KCNT1: variants seen among roughly 807,000 people sequenced by gnomAD.
KCNT1 encodes the protein potassium sodium-activated channel subfamily T member 1, also known as potassium channel subfamily T member 1.
KCNT1 carries 78 observed loss-of-function variants against 147.8 expected under a neutral mutation model. The observed-to-expected ratio is 0.53, with a 90% CI of 0.44 to 0.64. The LOEUF (loss-of-function observed/expected upper bound fraction) is 0.64, where lower values mean the gene tolerates loss of function less well. Ranked by LOEUF, KCNT1 falls within the 30% of genes least tolerant of loss-of-function variation. The pLI is 0.00. For synonymous variants in KCNT1, 867 were observed against 748.8 expected, an observed-to-expected ratio of 1.16 and a Z score of -2.58; for missense variants, 1,419 against 1,750.3, an observed-to-expected ratio of 0.81 and a Z score of 3.38.
chr9:135,728,683 G>A (rs11103146), intron 2 of KCNT1, among the ~76,000 whole-genome samples: 20,803 of 152,250 alleles, frequency 0.14, 1,601 homozygotes, highest in South Asian at 0.17. Flanking sequence ...CCGGGCAGGG[G>A]TCCTGGGAGA....
At chr9:135,707,295 C>T (rs896785721) in intron 1 of KCNT1, among the ~76,000 whole-genome samples, 1 of 152,052 alleles carries the variant, frequency 6.6e-6, no homozygotes, top group Non-Finnish European at 1.5e-5. Flanking sequence ...GGCGGCTTCT[C>T]CTCCAGGTGC....
intron 2 of KCNT1, among the ~76,000 whole-genome samples, chr9:135,717,190 A>C (rs1008134731): frequency 3.0e-5 from 4 of 131,876 alleles, no homozygotes; most frequent in African/African-American, 1.2e-4. Flanking sequence ...TGTGTATAGG[A>C]TGGGAGGGAG....
intron 11 of KCNT1, among the ~76,000 whole-genome samples, chr9:135,763,650 G>GT (rs1218523288): frequency 3.9e-5 from 6 of 152,134 alleles, no homozygotes; most frequent in African/African-American, 1.4e-4. Flanking sequence ...CCTCTGCCCC[G>GT]TGTGCACTTG....
chr9:135,770,208 A>G, intron 16 of KCNT1, 90 bp from the exon 17 acceptor site: 1 of 1,478,852 alleles, frequency 6.8e-7, no homozygotes, highest in Non-Finnish European at 9.1e-7. Flanking sequence ...ATGCCAGGGG[A>G]AGCAGAGGGG....
chr9:135,780,274 G>A lies in KCNT1; in HGVS notation c.2841+804G>A, dbSNP rs535641214. The stretch of plus-strand genomic sequence containing the variant: ...AGCAGCAATGCTGTCTGCTCTACAC[G>A]AACCCCGAGCTCACCGGTCTGGGCT... On this transcript the variant is annotated intron_variant, in intron 24 of 30. Transcript: ENST00000371757. Among the ~76,000 whole-genome samples, 7 of 152,290 alleles carry A rather than the reference G, an allele frequency of 4.6e-5. No homozygotes were observed. In the South Asian group the frequency reaches 1.2e-3, roughly 27 times the overall value.
At chr9:135,710,207 C>T (rs531032069) in intron 1 of KCNT1, among the ~76,000 whole-genome samples, 2 of 152,190 alleles carry the variant, frequency 1.3e-5, no homozygotes, top group East Asian at 1.9e-4. Flanking sequence ...AAATAAAAGG[C>T]CTTCTCAGCT....
At chr9:135,786,642 CT>C in intron 29 of KCNT1, 121 bp downstream of exon 29, 1 of 981,084 alleles carries the variant, frequency 1.0e-6, no homozygotes, top group Non-Finnish European at 1.4e-6. Flanking sequence ...TGTCATCTGT[CT>C]GTCTGTCAGC....
chr9:135,753,869 T>C, intron 4 of KCNT1, 68 bp from the exon 5 acceptor site: 1 of 1,570,608 alleles, frequency 6.4e-7, no homozygotes, highest in Non-Finnish European at 8.8e-7. Context: ...GTGGAAGCCC[T>C]CGGGCAGCAA....
chr9:135,766,238 A>G (rs920723594), intron 13 of KCNT1, among the ~76,000 whole-genome samples: 8 of 149,088 alleles, frequency 5.4e-5, no homozygotes, highest in African/African-American at 2.0e-4. Context: ...TGGACTGTTC[A>G]GGGTGGACCA....
chr9:135,744,354 C>A (rs1313040839), intron 2 of KCNT1, among the ~76,000 whole-genome samples: 1 of 152,226 alleles, frequency 6.6e-6, no homozygotes, highest in African/African-American at 2.4e-5. Flanking sequence ...ACCATGAGAG[C>A]CCCTTTGCAG....
At chr9:135,722,555 T>C (rs1835966692) in intron 2 of KCNT1, among the ~76,000 whole-genome samples, 1 of 152,334 alleles carries the variant, frequency 6.6e-6, no homozygotes, top group Admixed American at 6.5e-5. Flanking sequence ...AGTGTGTTTA[T>C]GCCTCGTCTC....
chr9:135,707,648 GT>G (rs1314142828), intron 1 of KCNT1, among the ~76,000 whole-genome samples: 2 of 152,166 alleles, frequency 1.3e-5, no homozygotes, highest in Non-Finnish European at 2.9e-5. Flanking sequence ...GCTGCAGGGG[GT>G]GGGGACAGCA....
rs148235788 is a variant in KCNT1, at chr9:135,742,403, G to A, written c.255-7695G>A. 9.4e-3 allele frequency among the ~76,000 whole-genome samples: 1,425 copies of A among 152,302 alleles called. 15 individuals carry two copies. Among genetic ancestry groups the A allele is most frequent in the Admixed American group, 0.017 (263 of 15,302 alleles). On this transcript the variant is annotated intron_variant, in intron 2 of 30. Coordinates refer to ENST00000371757, the MANE Select transcript of KCNT1 (RefSeq NM_020822.3). ...TCGTCACCTGCTTGCGTGGCTGAAG[G>A]GTGGCCCTCTCCTCGAGTGTGGTTG...
chr9:135,781,223 A>T (rs979216887), intron 24 of KCNT1, among the ~76,000 whole-genome samples: 1 of 152,206 alleles, frequency 6.6e-6, no homozygotes, highest in Non-Finnish European at 1.5e-5. Context: ...AGAAATCAGG[A>T]CATCGGCAAA....
intron 5 of KCNT1, among the ~76,000 whole-genome samples, 184 bp from the exon 6 acceptor site, chr9:135,754,937 A>G (rs191195628): frequency 6.6e-6 from 1 of 152,192 alleles, no homozygotes; most frequent in Admixed American, 6.5e-5. Context: ...TCTCTTGGGG[A>G]ACCTTCCCTT....
intron 2 of KCNT1, among the ~76,000 whole-genome samples, chr9:135,738,679 G>A (rs566723995): frequency 3.6e-4 from 55 of 152,290 alleles, no homozygotes; most frequent in Non-Finnish European, 2.8e-4. Flanking sequence ...CACAGGAGGC[G>A]TTGTCGGGGG....
intron 1 of KCNT1, among the ~76,000 whole-genome samples, chr9:135,710,426 C>G (rs973082929): frequency 7.2e-5 from 11 of 152,216 alleles, no homozygotes; most frequent in African/African-American, 1.7e-4. Flanking sequence ...CTGAAGTTCT[C>G]CGGCCTCCAT....
intron 24 of KCNT1, among the ~76,000 whole-genome samples, chr9:135,780,903 C>T (rs765830692): frequency 2.5e-4 from 38 of 152,322 alleles, no homozygotes; most frequent in South Asian, 8.3e-4. Flanking sequence ...GAGTCGGGGT[C>T]GAGGCAGTCA....
In KCNT1 at chr9:135,786,443, C is replaced by A; in HGVS notation, c.3424C>A (p.Arg1142=). Residue 1142 remains arginine, a synonymous_variant, in exon 29 of 31, where the codon CGG becomes AGG. Transcript: ENST00000371757. The stretch of plus-strand genomic sequence containing the variant: ...CAGCCAGCAGCGCCTCAGCCTGTAC[C>A]GGCGCTCTGAGCGCCAGGAGCTCTC... The part of the protein sequence containing the change: ...WISQQRLSLY[R]RSERQELSEL... The A allele has an allele frequency of 3.1e-6, 5 of 1,597,240 alleles. No individual in the cohort carries two copies. Among genetic ancestry groups the A allele is most frequent in the Non-Finnish European group, 4.3e-6 (5 of 1,173,090 alleles).
Sources: allele counts gnomAD v4.1 joint callset (sites outside exome capture counted in the v4.1 genomes callset), GRCh38; gene constraint gnomAD v4.1.1; transcripts MANE v1.5; gene names NCBI Gene and HGNC (gene_info 2026-07-23, HGNC 2026-07-21).